MYO1D: variants seen among roughly 807,000 people sequenced by gnomAD.
MYO1D encodes unconventional myosin-Id.
A neutral mutation model predicts 122.0 loss-of-function variants in MYO1D; 83 were observed. The ratio of observed to expected loss-of-function variants is 0.68; its 90% CI spans 0.57 to 0.82. MYO1D has a LOEUF of 0.82. Among genes scored for constraint, MYO1D ranks in the 40% least tolerant of loss-of-function variants. MYO1D has a pLI of 0.00. For synonymous variants in MYO1D, 464 were observed against 446.9 expected, an observed-to-expected ratio of 1.04 and a Z score of -0.48; for missense variants, 1,157 against 1,269.5, an observed-to-expected ratio of 0.91 and a Z score of 1.35.
intron 21 of MYO1D, chr17:32,528,868 C>A (rs1445233022): frequency 6.6e-6 from 1 of 152,246 alleles, no homozygotes; most frequent in African/African-American, 2.4e-5. Context: ...CTGCCCAACG[C>A]CCTCGTTCTG....
intron 14 of MYO1D, among the ~76,000 whole-genome samples, chr17:32,723,933 T>C (rs1340101538): frequency 6.6e-6 from 1 of 152,164 alleles, no homozygotes; most frequent in Non-Finnish European, 1.5e-5. Flanking sequence ...AGATATTAAA[T>C]TTTGGTATAT....
chr17:32,740,209 C>T (rs371945293), intron 13 of MYO1D, among the ~76,000 whole-genome samples: 6 of 152,132 alleles, frequency 3.9e-5, no homozygotes, highest in African/African-American at 1.4e-4. Flanking sequence ...TAGAAAATTG[C>T]ACTTTGTGTA....
intron 21 of MYO1D, among the ~76,000 whole-genome samples, chr17:32,553,005 G>A (rs988214813): frequency 9.2e-5 from 14 of 151,646 alleles, no homozygotes; most frequent in African/African-American, 3.4e-4. Flanking sequence ...GGGAGGCTGA[G>A]GCAGGAGGAC....
chr17:32,711,648 G>A (rs570551601), intron 16 of MYO1D, among the ~76,000 whole-genome samples: 1 of 151,808 alleles, frequency 6.6e-6, no homozygotes, highest in East Asian at 1.9e-4. Context: ...TCCGTCTCGG[G>A]GGGGAAAAAA....
At chr17:32,590,465 TG>T (rs752457999) in intron 21 of MYO1D, among the ~76,000 whole-genome samples, 5 of 152,236 alleles carry the variant, frequency 3.3e-5, no homozygotes, top group Non-Finnish European at 7.3e-5. Flanking sequence ...GGCAGTATAA[TG>T]TACATGCTGT....
At chr17:32,584,696 T>C (rs2087371165) in intron 21 of MYO1D, among the ~76,000 whole-genome samples, 1 of 152,108 alleles carries the variant, frequency 6.6e-6, no homozygotes, top group Admixed American at 6.6e-5. Flanking sequence ...AGTCTTGCCA[T>C]GTTGCTCAGC....
chr17:32,738,339 T>C lies in MYO1D; in HGVS notation c.1660A>G (p.Ile554Val), dbSNP rs777833646. 6 of 1,605,938 alleles carry C rather than the reference T, an allele frequency of 3.7e-6. No homozygotes were observed. The South Asian group carries it at 5.6e-5, about 15-fold the overall frequency. The change falls in exon 14 of 22, where the codon ATT (isoleucine) becomes GTT (valine). Residue 554 changes from isoleucine to valine, a missense_variant. Ile to Val is a conservative substitution (Grantham distance 29). Transcript: ENST00000318217. ...KNMWPEGKLS[I>V]TEVTKRPLTA... ...AGAGGTCGCTTGGTCACCTCTGTAA[T>C]GCTCAGTTTGCCTTCAGGCCACATA...
At chr17:32,833,125 T>C (rs2090788061) in intron 1 of MYO1D, among the ~76,000 whole-genome samples, 1 of 152,206 alleles carries the variant, frequency 6.6e-6, no homozygotes, top group Non-Finnish European at 1.5e-5. Flanking sequence ...GGATGTCTAG[T>C]GGCCACTTCA....
At chr17:32,718,869 A>G (rs2150990208) in intron 15 of MYO1D, among the ~76,000 whole-genome samples, 1 of 152,212 alleles carries the variant, frequency 6.6e-6, no homozygotes, top group South Asian at 2.1e-4. Flanking sequence ...CAGTCCCGAG[A>G]CTTTCTATGT....
At chr17:32,635,656 G>A (rs2088087939) in intron 20 of MYO1D, among the ~76,000 whole-genome samples, 1 of 152,138 alleles carries the variant, frequency 6.6e-6, no homozygotes, top group Admixed American at 6.5e-5. Context: ...TGGCGCCACT[G>A]CACTCCAGTC....
At chr17:32,685,206 A>G (rs1209037610) in intron 16 of MYO1D, among the ~76,000 whole-genome samples, 1 of 152,154 alleles carries the variant, frequency 6.6e-6, no homozygotes, top group Non-Finnish European at 1.5e-5. Context: ...AATGAGAGGG[A>G]AGAAAAAAAA....
chr17:32,569,567 G>A (rs1022752311), intron 21 of MYO1D, among the ~76,000 whole-genome samples: 11 of 152,182 alleles, frequency 7.2e-5, no homozygotes, highest in Admixed American at 5.9e-4. Flanking sequence ...ACTGGGAACC[G>A]TCACCTCCCA....
At chr17:32,832,246 G>A (rs1034682349) in intron 1 of MYO1D, among the ~76,000 whole-genome samples, 11 of 150,904 alleles carry the variant, frequency 7.3e-5, no homozygotes, top group Admixed American at 5.9e-4. Context: ...TCCACTGCTG[G>A]AACTACAGGC....
At chr17:32,598,056 G>C (rs1428104995) in intron 21 of MYO1D, among the ~76,000 whole-genome samples, 1 of 151,802 alleles carries the variant, frequency 6.6e-6, no homozygotes, top group Non-Finnish European at 1.5e-5. Flanking sequence ...GCATATTAAT[G>C]ACTCGGAGAG....
chr17:32,761,874 A>G (rs2090005316), intron 8 of MYO1D, among the ~76,000 whole-genome samples: 1 of 152,136 alleles, frequency 6.6e-6, no homozygotes, highest in South Asian at 2.1e-4. Flanking sequence ...TTCAACAAAT[A>G]TTTGCTGAAT....
At chr17:32,778,595 G>C in intron 2 of MYO1D, 22 bp from the exon 3 acceptor site, 1 of 1,575,618 alleles carries the variant, frequency 6.3e-7, no homozygotes, top group Non-Finnish European at 8.7e-7. Context: ...AATTGTTCAG[G>C]GCTTAACATA....
At chr17:32,780,340 A>G (rs1162050310) in intron 2 of MYO1D, among the ~76,000 whole-genome samples, 1 of 152,184 alleles carries the variant, frequency 6.6e-6, no homozygotes, top group Admixed American at 6.5e-5. Context: ...TCAATCTAAC[A>G]AATTGGCCAG....
At chr17:32,778,735 T>C (rs2090205784) in intron 2 of MYO1D, among the ~76,000 whole-genome samples, 162 bp from the exon 3 acceptor site, 1 of 152,222 alleles carries the variant, frequency 6.6e-6, no homozygotes. Flanking sequence ...CGTCCTGCCT[T>C]GATATGGTTA....
chr17:32,750,875 T>C (rs1052679342), intron 11 of MYO1D, among the ~76,000 whole-genome samples: 1 of 152,164 alleles, frequency 6.6e-6, no homozygotes, highest in Admixed American at 6.5e-5. Flanking sequence ...ACAAAGCATC[T>C]ACCATACAGA....
Sources: allele counts gnomAD v4.1 joint callset (sites outside exome capture counted in the v4.1 genomes callset), GRCh38; gene constraint gnomAD v4.1.1; transcripts MANE v1.5; gene names NCBI Gene and HGNC (gene_info 2026-07-23, HGNC 2026-07-21).